Variants in RASAL1 observed in about 807,000 individuals in gnomAD.
RASAL1 encodes the protein rasGAP-activating-like protein 1.
RASAL1 carries 72 observed loss-of-function variants against 96.6 expected under a neutral mutation model. The ratio of observed to expected loss-of-function variants is 0.75; its 90% CI spans 0.62 to 0.91. The LOEUF is 0.91. RASAL1 is among the 40% of genes least tolerant of loss of function. RASAL1 has a pLI of 0.00. For synonymous variants in RASAL1, 405 were observed against 430.4 expected, an observed-to-expected ratio of 0.94 and a Z score of 0.73; for missense variants, 1,016 against 1,072.5, an observed-to-expected ratio of 0.95 and a Z score of 0.74.
In RASAL1 at chr12:113,135,621, G is replaced by A; in HGVS notation, c.-159C>T. 1 of 650,762 alleles carries A rather than the reference G, an allele frequency of 1.5e-6. No individual in the cohort carries two copies. Among genetic ancestry groups the A allele is most frequent in the South Asian group, 1.8e-5 (1 of 54,996 alleles). The allele number at this position is 650,762 out of a possible 1,614,324, so 40.3% of individuals were successfully genotyped here. ...GTAGCTGGATGGGAGATTTCCGAAA[G>A]AGGAGAAGGTGTAGGTGCCCGGGGA... On this transcript the variant is annotated 5_prime_UTR_variant, in exon 1 of 21. Coordinates refer to ENST00000548055, the MANE Select transcript of RASAL1 (RefSeq NM_001301202.2). The surrounding 1 kb of genome is among the most constrained non-coding windows in gnomAD (Gnocchi z 5.7).
At position 113,130,275 on chromosome 12, in the gene RASAL1, A is replaced by C. The variant is rs899939139; in HGVS notation, c.122+610T>G. 2.0e-5 allele frequency among the ~76,000 whole-genome samples: 3 copies of C among 152,090 alleles called. No individual in the cohort carries two copies. The highest frequency in any genetic ancestry group is 7.2e-5 in the African/African-American group (3 of 41,424). ...ACACCCCAAACATCCTCACACCTTC[A>C]CATGTGTCCACACCGGTGCCTTTGT... On this transcript the variant is annotated intron_variant, in intron 2 of 20. Transcript: ENST00000548055. The surrounding 1 kb of genome is among the most constrained non-coding windows in gnomAD (Gnocchi z 5.1).
At chr12:113,105,568 G>A in intron 16 of RASAL1, 146 bp downstream of exon 16, 3 of 864,518 alleles carry the variant, frequency 3.5e-6, no homozygotes, top group Non-Finnish European at 5.3e-6. Context: ...AGCAGAGCCT[G>A]TCCTGAGAGT....
rs376810243 is a variant in RASAL1 at position 113,099,908 on chromosome 12, C to T, written c.*21G>A. The T allele has an allele frequency of 7.1e-5, 113 of 1,599,916 alleles. No homozygotes were observed. In the African/African-American group the frequency reaches 9.1e-4, roughly 13 times the overall value. On this transcript the variant is annotated 3_prime_UTR_variant, in exon 21 of 21. Coordinates refer to ENST00000548055, the MANE Select transcript of RASAL1 (RefSeq NM_001301202.2). ...GCCCCCTGGCTCTTGCTCCTCCTTCCGGGCTAGCTCTGGCATTTCCTTAGG... is the reference window on the plus strand; with the variant it reads ...GCCCCCTGGCTCTTGCTCCTCCTTCTGGGCTAGCTCTGGCATTTCCTTAGG...
intron 2 of RASAL1, 27 bp from the exon 3 acceptor site, chr12:113,128,205 G>A: frequency 6.5e-7 from 1 of 1,528,274 alleles, no homozygotes; most frequent in African/African-American, 1.4e-5. Flanking sequence ...AGGGGGCTGG[G>A]GTCCTCGGGC....
At chr12:113,104,468 T>C (rs1350890232) in intron 16 of RASAL1, among the ~76,000 whole-genome samples, 170 bp from the exon 17 acceptor site, 1 of 152,180 alleles carries the variant, frequency 6.6e-6, no homozygotes, top group Non-Finnish European at 1.5e-5. Flanking sequence ...AGCTGTTCCA[T>C]GAGTCCTGCC....
chr12:113,125,854 C>T (rs1951460870), intron 4 of RASAL1, among the ~76,000 whole-genome samples: 3 of 152,168 alleles, frequency 2.0e-5, no homozygotes, highest in African/African-American at 7.2e-5. Flanking sequence ...TCCCTAGATG[C>T]CATCAGTAGG....
chr12:113,134,783 G>A (rs1188325569), intron 1 of RASAL1, among the ~76,000 whole-genome samples: 2 of 152,100 alleles, frequency 1.3e-5, no homozygotes, highest in Non-Finnish European at 2.9e-5. Flanking sequence ...GGAGGGGGTC[G>A]CAGCAAGGAA....
At chr12:113,128,281 C>T (rs564581026) in intron 2 of RASAL1, 103 bp from the exon 3 acceptor site, 28 of 645,370 alleles carry the variant, frequency 4.3e-5, no homozygotes, top group East Asian at 1.4e-4. Flanking sequence ...CACACACACA[C>T]GGGAATCCAG....
At position 113,103,787 on chromosome 12, in the gene RASAL1, T is replaced by C. The variant is rs1440010952; in HGVS notation, c.2104+159A>G. 3.2e-6 allele frequency: 3 copies of C among 928,628 alleles called. No homozygotes were observed. In the African/African-American group the frequency reaches 4.9e-5, roughly 15 times the overall value. The allele number at this position is 928,628 out of a possible 1,614,324, so 57.5% of individuals were successfully genotyped here. On this transcript the variant is annotated intron_variant, in intron 18 of 20. Transcript: ENST00000548055. Reference sequence around the variant, plus strand: ...ATTTAATTATCACAACTCCACGAGATAGGCACTGTTATCAACCTCATTTCA... The same window carrying C: ...ATTTAATTATCACAACTCCACGAGACAGGCACTGTTATCAACCTCATTTCA...
upstream of RASAL1, among the ~76,000 whole-genome samples, chr12:113,136,542 C>T (rs1566080843): frequency 6.6e-6 from 1 of 152,348 alleles, no homozygotes; most frequent in African/African-American, 2.4e-5. Flanking sequence ...CAGTCAGTAA[C>T]TGATTTGCCT....
At position 113,115,180 on chromosome 12, in the gene RASAL1, G is replaced by C. The variant is rs116485092; in HGVS notation, c.1068+20C>G. ...ACCCGAGGAAGCTGCGCCTGGTCCC[G>C]CAGGCCTTCACCTACTCACCTTCAT... On this transcript the variant is annotated intron_variant, in intron 11 of 20. Coordinates refer to ENST00000548055, the MANE Select transcript of RASAL1 (RefSeq NM_001301202.2). This position sits in a 1 kb window ranked among gnomAD's most constrained non-coding sequence, Gnocchi z 4.1. 6,238 of 1,604,622 alleles carry C rather than the reference G, an allele frequency of 3.9e-3. 193 individuals are homozygous for C. In the African/African-American group the frequency reaches 0.071, roughly 18 times the overall value.
chr12:113,099,977 G>A lies in RASAL1; in HGVS notation c.2370C>T (p.Phe790=). 1.9e-6 allele frequency: 3 copies of A among 1,613,770 alleles called. No homozygotes were observed. In the East Asian group the frequency reaches 6.7e-5, roughly 36 times the overall value. Residue 790 remains phenylalanine (F), a synonymous_variant, in exon 21 of 21, where the codon TTC becomes TTT. Coordinates refer to ENST00000548055, the MANE Select transcript of RASAL1 (RefSeq NM_001301202.2). Reference sequence around the variant, plus strand: ...CCGCCTTCCCTCGCTCCTGCTGCTGGAACTCCTCGTGGGCACGATCCAGGT... The same window carrying A: ...CCGCCTTCCCTCGCTCCTGCTGCTGAAACTCCTCGTGGGCACGATCCAGGT... The part of the protein sequence containing the change: ...LADLDRAHEE[F]QQQERGKAAL...
At chr12:113,119,070 T>C (rs1421479714) in intron 7 of RASAL1, 58 bp downstream of exon 7, 1 of 1,518,128 alleles carries the variant, frequency 6.6e-7, no homozygotes, top group East Asian at 2.3e-5. Flanking sequence ...GTCTCATCTT[T>C]CTTCCCCCTT....
intron 4 of RASAL1, among the ~76,000 whole-genome samples, chr12:113,122,607 G>A (rs1951339370): frequency 6.6e-6 from 1 of 152,220 alleles, no homozygotes. Flanking sequence ...TTACAGGCAG[G>A]AGCCACTATG....
At chr12:113,126,905 T>C (rs1014429269) in intron 4 of RASAL1, among the ~76,000 whole-genome samples, 4 of 145,082 alleles carry the variant, frequency 2.8e-5, no homozygotes, top group Non-Finnish European at 5.9e-5. Context: ...CATCACTGAG[T>C]CCATAAATAT....
chr12:113,119,119 G>A lies in RASAL1; in HGVS notation c.642+9C>T. 10 of 1,598,208 alleles carry A rather than the reference G, an allele frequency of 6.3e-6. No individual in the cohort carries two copies. Among genetic ancestry groups the A allele is most frequent in the Non-Finnish European group, 8.5e-6 (10 of 1,170,502 alleles). On this transcript the variant is annotated intron_variant, in intron 7 of 20. Transcript: ENST00000548055. ...AGCCATGGAGGGTATTGTAGGGAAT[G>A]AGGCTCACCATGCCCAAGAAGTCAT...
intron 19 of RASAL1, among the ~76,000 whole-genome samples, chr12:113,101,687 T>C (rs1950448870): frequency 8.2e-6 from 1 of 121,746 alleles, no homozygotes; most frequent in Admixed American, 8.1e-5. Flanking sequence ...CAAGACCCAG[T>C]TCTGCATAAG....
At position 113,119,191 on chromosome 12, in the gene RASAL1, CG is replaced by C; in HGVS notation, c.578del (p.Pro193ArgfsTer60). The C allele has an allele frequency of 6.2e-7, 1 of 1,614,020 alleles. No individual in the cohort carries two copies. The highest frequency in any genetic ancestry group is 8.5e-7 in the Non-Finnish European group (1 of 1,179,932). On this transcript the variant is annotated frameshift_variant, in exon 7 of 21. Transcript: ENST00000548055. LOFTEE classifies it high-confidence loss of function. ...VLELREMPGAPSPLRVELWDW... is the reference protein window; with the variant it reads ...VLELREMPGAXSPLRVELWDW... ...CCCAGAGCTCCACCCGCAGTGGGGA[CG>C]GGGCACCTGGCATCTCCCGCAGCTC...
chr12:113,105,981 G>C (rs549731833), intron 15 of RASAL1, 95 bp from the exon 16 acceptor site: 2 of 1,322,116 alleles, frequency 1.5e-6, no homozygotes, highest in Non-Finnish European at 2.1e-6. Context: ...CTCAGTGGAC[G>C]GGCATGGTTC....
Sources: allele counts gnomAD v4.1 joint callset (sites outside exome capture counted in the v4.1 genomes callset), GRCh38; gene constraint gnomAD v4.1.1; non-coding constraint Gnocchi (gnomAD v3.1); transcripts MANE v1.5; gene names NCBI Gene and HGNC (gene_info 2026-07-23, HGNC 2026-07-21).